The following TRH variants were observed in gnomAD, a reference collection of about 807,000 sequenced individuals.
The protein encoded by TRH is thyrotropin releasing hormone, also known as TSH-releasing factor.
A neutral mutation model predicts 5.2 loss-of-function variants in TRH; 5 were observed. That is an observed-to-expected ratio of 0.95 (90% CI 0.50 to 2.00). The LOEUF (loss-of-function observed/expected upper bound fraction) is 2.00, where lower values mean the gene tolerates loss of function less well. Among genes scored for constraint, TRH ranks in the 30% most tolerant of loss-of-function variants. The pLI is 0.01. For synonymous variants in TRH, 131 were observed against 128.6 expected, an observed-to-expected ratio of 1.02 and a Z score of -0.13; for missense variants, 318 against 312.8, an observed-to-expected ratio of 1.02 and a Z score of -0.13.
rs200787675 is a variant in TRH at position 129,976,039 on chromosome 3, G to A, written c.211+12G>A. 1.0e-4 allele frequency: 169 copies of A among 1,611,782 alleles called. No individual in the cohort carries two copies. The East Asian group carries it at 3.7e-3, about 35-fold the overall frequency. ...GGGTGAGCACTCCGGTGAGTGGATG[G>A]GGCTGTTGGGGGCTGTGGGGCTAGG... On this transcript the variant is annotated intron_variant, in intron 2 of 2. Coordinates refer to ENST00000302649, the MANE Select transcript of TRH (RefSeq NM_007117.5).
In TRH at chr3:129,977,164, G is replaced by C. The variant is rs149654673; in HGVS notation, c.677G>C (p.Arg226Pro). The C allele has an allele frequency of 6.6e-7, 1 of 1,522,660 alleles. No homozygotes were observed. The highest frequency in any genetic ancestry group is 1.4e-5 in the African/African-American group (1 of 71,664). The allele number at this position is 1,522,660 out of a possible 1,614,324, so 94.3% of individuals were successfully genotyped here. ...AGGAGCCAGGGAGCTGAGGAAAAGCGGCAGCACCCTGGTCGGCGGGCAGCC... is the reference window on the plus strand; with the variant it reads ...AGGAGCCAGGGAGCTGAGGAAAAGCCGCAGCACCCTGGTCGGCGGGCAGCC... ...LSRSQGAEEK[R>P]QHPGRRAAWV... The change falls in exon 3 of 3, where the codon CGG (arginine) becomes CCG (proline). Residue 226 changes from arginine to proline, a missense_variant. Transcript: ENST00000302649.
chr3:129,976,170 C>T, intron 2 of TRH, 143 bp downstream of exon 2: 1 of 1,019,348 alleles, frequency 9.8e-7, no homozygotes, highest in Non-Finnish European at 1.4e-6. Context: ...TGCGCCTAGG[C>T]GGGATCTGGA....
At chr3:129,976,429 A>T (rs543767408) in intron 2 of TRH, among the ~76,000 whole-genome samples, 1 of 152,354 alleles carries the variant, frequency 6.6e-6, no homozygotes, top group South Asian at 2.1e-4. Context: ...TTTTACACAG[A>T]AGAAAACTGA....
At chr3:129,975,493 TC>T (rs1356716058) in intron 1 of TRH, among the ~76,000 whole-genome samples, 3 of 152,076 alleles carry the variant, frequency 2.0e-5, no homozygotes, top group African/African-American at 7.2e-5. Context: ...AGCGTTGGCT[TC>T]CCCAGTTCCG....
intron 1 of TRH, among the ~76,000 whole-genome samples, chr3:129,975,411 A>C (rs1577287932): frequency 6.6e-6 from 1 of 151,992 alleles, no homozygotes; most frequent in South Asian, 2.1e-4. Context: ...CTTGGCGGGG[A>C]CGCAACCGTT....
rs1443494252 is a variant in TRH, at chr3:129,977,130, G to A, written c.643G>A (p.Asp215Asn). 2.6e-6 allele frequency: 4 copies of A among 1,545,636 alleles called. No individual in the cohort carries two copies. Among genetic ancestry groups the A allele is most frequent in the Non-Finnish European group, 3.5e-6 (4 of 1,149,956 alleles). ...GGGCCTTCTGCTGGGGCTCCTGGATGACCTGAGTAGGAGCCAGGGAGCTGA... is the reference window on the plus strand; with the variant it reads ...GGGCCTTCTGCTGGGGCTCCTGGATAACCTGAGTAGGAGCCAGGGAGCTGA... ...QAGLLLGLLD[D>N]LSRSQGAEEK... is the part of the protein sequence containing the mutation. Residue 215 changes from aspartate (D) to asparagine (N), a missense_variant, in exon 3 of 3, where the codon GAC becomes AAC. Asp to Asn is a conservative substitution (Grantham distance 23, BLOSUM62 1). Transcript: ENST00000302649.
chr3:129,977,063 C>T lies in TRH; in HGVS notation c.576C>T (p.Ala192=), dbSNP rs755796410. 35 of 1,606,468 alleles carry T rather than the reference C, an allele frequency of 2.2e-5. No homozygotes were observed. The Admixed American group carries it at 5.9e-4, about 27-fold the overall frequency. The change falls in exon 3 of 3, where the codon GCC becomes GCT. Residue 192 remains alanine, a synonymous_variant. Transcript: ENST00000302649. ...AACGCCAGCATCCGGGCAAGAGGGC[C>T]CTGGGAGGCCCCTGTGGGCCCCAGG... ...PEKRQHPGKR[A]LGGPCGPQGA...
chr3:129,975,550 G>A (rs1445061294), intron 1 of TRH, among the ~76,000 whole-genome samples: 1 of 152,192 alleles, frequency 6.6e-6, no homozygotes, highest in East Asian at 1.9e-4. Context: ...GGGTTCCTAC[G>A]GCCTCCTGCC....
intron 2 of TRH, among the ~76,000 whole-genome samples, chr3:129,976,451 A>T (rs773372879): frequency 1.3e-5 from 2 of 152,210 alleles, no homozygotes; most frequent in African/African-American, 2.4e-5. Flanking sequence ...GCTCCCAGAG[A>T]TCAATTGAGT....
chr3:129,976,863 T>C lies in TRH; in HGVS notation c.376T>C (p.Ser126Pro). 6.2e-7 allele frequency: 1 copy of C among 1,611,646 alleles called. No homozygotes were observed. Among genetic ancestry groups the C allele is most frequent in the Non-Finnish European group, 8.5e-7 (1 of 1,179,360 alleles). The change falls in exon 3 of 3, where the codon TCA becomes CCA. Residue 126 changes from serine (S) to proline (P), a missense_variant. Physicochemically the swap from Ser to Pro is moderately conservative, Grantham distance 74 (BLOSUM62 -1). Coordinates refer to ENST00000302649, the MANE Select transcript of TRH (RefSeq NM_007117.5). ...PGRREDEASWSVDVTQHKRQH... is the reference protein window; with the variant it reads ...PGRREDEASWPVDVTQHKRQH... ...CCGACGAGAAGATGAGGCTTCATGGTCAGTCGATGTAACCCAGCACAAGCG... is the reference window on the plus strand; with the variant it reads ...CCGACGAGAAGATGAGGCTTCATGGCCAGTCGATGTAACCCAGCACAAGCG...
chr3:129,975,879 C>T lies in TRH; in HGVS notation c.63C>T (p.Gly21=), dbSNP rs2062540195. Residue 21 remains glycine, a synonymous_variant, in exon 2 of 3, where the codon GGC becomes GGT. Transcript: ENST00000302649. ...ALTLNLTGVP[G]GRAQPEAAQQ... ...CCCTGAACCTGACCGGTGTCCCCGG[C>T]GGCCGTGCTCAGCCAGAGGCGGCCC... 11 of 1,612,916 alleles carry T rather than the reference C, an allele frequency of 6.8e-6. No homozygotes were observed. The highest frequency in any genetic ancestry group is 6.7e-5 in the East Asian group (3 of 44,872).
In TRH at chr3:129,975,891, G is replaced by A. The variant is rs1490827446; in HGVS notation, c.75G>A (p.Gln25=). The part of the protein sequence containing the change: ...NLTGVPGGRA[Q]PEAAQQEAVT... The stretch of plus-strand genomic sequence containing the variant: ...CCGGTGTCCCCGGCGGCCGTGCTCA[G>A]CCAGAGGCGGCCCAGCAGGAGGCAG... The change falls in exon 2 of 3, where the codon CAG becomes CAA. Residue 25 remains glutamine, a synonymous_variant. Coordinates refer to ENST00000302649, the MANE Select transcript of TRH (RefSeq NM_007117.5). 5.0e-6 allele frequency: 8 copies of A among 1,613,120 alleles called. No homozygotes were observed. In the Admixed American group the frequency reaches 1.3e-4, roughly 27 times the overall value.
In TRH at chr3:129,975,744, G is replaced by A. The variant is rs2062538822; in HGVS notation, c.-8-65G>A. On this transcript the variant is annotated intron_variant, in intron 1 of 2. Transcript: ENST00000302649. ...GCGTGGTTTGTTTCTGGCGGGCGTC[G>A]GGGGAGATGGAGCGGGATGTGCTGT... 2.1e-6 allele frequency: 3 copies of A among 1,460,128 alleles called. No homozygotes were observed. In the South Asian group the frequency reaches 4.0e-5, roughly 20 times the overall value. The allele number at this position is 1,460,128 out of a possible 1,614,324, so 90.4% of individuals were successfully genotyped here.
Position 129,976,009 on chromosome 3 carries a change from G to C in TRH, c.193G>C (p.Asp65His). ...GGAAAACATCCAGCGGCTGCAAGGG[G>C]ACCAGGGTGAGCACTCCGGTGAGTG... ...LRENIQRLQGDQGEHSASQIF... is the reference protein window; with the variant it reads ...LRENIQRLQGHQGEHSASQIF... Residue 65 changes from aspartate (D) to histidine (H), a missense_variant, in exon 2 of 3, where the codon GAC becomes CAC. Coordinates refer to ENST00000302649, the MANE Select transcript of TRH (RefSeq NM_007117.5). 5.0e-6 allele frequency: 8 copies of C among 1,614,076 alleles called. No individual in the cohort carries two copies. Among genetic ancestry groups the C allele is most frequent in the Non-Finnish European group, 6.8e-6 (8 of 1,179,972 alleles).
At position 129,977,318 on chromosome 3, in the gene TRH, A is replaced by G. The variant is rs897597547; in HGVS notation, c.*102A>G. ...GTATTCTCTAGTTAGATCCCTGACC[A>G]TAAGCCTGAGCCCCTCCCTCCCAGC... On this transcript the variant is annotated 3_prime_UTR_variant, in exon 3 of 3. Transcript: ENST00000302649. 1 of 1,382,590 alleles carries G rather than the reference A, an allele frequency of 7.2e-7. No homozygotes were observed. The highest frequency in any genetic ancestry group is 9.4e-7 in the Non-Finnish European group (1 of 1,064,024). 85.6% of individuals were successfully genotyped at this position (1,382,590 alleles called of 1,614,324 possible).
At chr3:129,974,980 C>G (rs1480345439) in intron 1 of TRH, among the ~76,000 whole-genome samples, 157 bp downstream of exon 1, 1 of 152,144 alleles carries the variant, frequency 6.6e-6, no homozygotes, top group Non-Finnish European at 1.5e-5. Flanking sequence ...GGGTCCTCCC[C>G]GAGCGCAGGC....
At chr3:129,975,017 G>A (rs1379134257) in intron 1 of TRH, among the ~76,000 whole-genome samples, 194 bp downstream of exon 1, 3 of 152,118 alleles carry the variant, frequency 2.0e-5, no homozygotes, top group Admixed American at 6.5e-5. Context: ...GGCACGGCGC[G>A]GGCACATCGG....
intron 2 of TRH, 108 bp downstream of exon 2, chr3:129,976,135 C>A: frequency 7.3e-7 from 1 of 1,364,908 alleles, no homozygotes; most frequent in Non-Finnish European, 1.0e-6. Flanking sequence ...TTCTGCCTTT[C>A]GGAAGCTCAG....
Position 129,977,814 on chromosome 3 carries a change from A to AT in TRH, c.*599dup, listed in dbSNP as rs1212917567. 1 of 152,504 alleles carries AT rather than the reference A, an allele frequency of 6.6e-6. No individual in the cohort carries two copies. The highest frequency in any genetic ancestry group is 1.5e-5 in the Non-Finnish European group (1 of 68,190). The allele number at this position is 152,504 out of a possible 1,614,324, so 9.4% of individuals were successfully genotyped here. A position where few individuals can be genotyped will look rare whatever the true frequency, so the allele number is the denominator to read the frequency against. ...GTGTTGTGCTGTGTCTGGCTGTGGG[A>AT]TAAATGTGTGTGGGAATATTGAAAC... On this transcript the variant is annotated 3_prime_UTR_variant, in exon 3 of 3. Transcript: ENST00000302649.
Sources: allele counts gnomAD v4.1 joint callset (sites outside exome capture counted in the v4.1 genomes callset), GRCh38; gene constraint gnomAD v4.1.1; transcripts MANE v1.5; gene names NCBI Gene and HGNC (gene_info 2026-07-23, HGNC 2026-07-21).